Variants in GABRA3 observed in about 807,000 individuals in gnomAD.
GABRA3 encodes the protein gamma-aminobutyric acid receptor subunit alpha-3.
In GABRA3, 10 loss-of-function variants were observed where a neutral mutation model predicts 30.1. That is an observed-to-expected ratio of 0.33 (90% confidence interval 0.20 to 0.56). The LOEUF is 0.56. Among genes scored for constraint, GABRA3 ranks in the 20% least tolerant of loss-of-function variants. The pLI is 0.89. For synonymous variants in GABRA3, 151 were observed against 146.8 expected (o/e 1.03, Z -0.21); for missense variants, 233 against 392.0 (o/e 0.59, Z 3.42).
chrX:152,220,863 G>T (rs751686225), intron 6 of GABRA3, among the ~76,000 whole-genome samples: 1 of 110,554 alleles, frequency 9.0e-6, no homozygotes, highest in Admixed American at 9.7e-5. Context: ...GTGCATGTGC[G>T]TGTGTGTGCC....
chrX:152,293,463 G>C (rs892852959), intron 3 of GABRA3, among the ~76,000 whole-genome samples: 5 of 110,957 alleles, frequency 4.5e-5, no homozygotes, highest in African/African-American at 6.6e-5. Flanking sequence ...CTGCACGTGA[G>C]ATGGGTCTCC....
intron 1 of GABRA3, among the ~76,000 whole-genome samples, chrX:152,444,734 G>GTTTTTTTTTGTTTTT (rs1931023024): frequency 2.5e-5 from 1 of 40,386 alleles, no homozygotes; most frequent in Non-Finnish European, 4.7e-5. Flanking sequence ...ATACTTGTGT[G>GTTTTTTTTTGTTTTT]TTTTTTTTTT....
chrX:152,381,276 T>C (rs1929137750), intron 1 of GABRA3, among the ~76,000 whole-genome samples: 1 of 112,278 alleles, frequency 8.9e-6, no homozygotes, highest in Non-Finnish European at 1.9e-5. Context: ...ACACTGATTA[T>C]GCTTTTAATT....
At chrX:152,312,455 G>A (rs1009486124) in intron 3 of GABRA3, among the ~76,000 whole-genome samples, 3 of 111,557 alleles carry the variant, frequency 2.7e-5, no homozygotes, top group Admixed American at 9.5e-5. Flanking sequence ...GAAACTATAC[G>A]TTTTCTTTTC....
intron 9 of GABRA3, among the ~76,000 whole-genome samples, chrX:152,170,835 A>G (rs998365265): frequency 8.9e-6 from 1 of 112,153 alleles, no homozygotes; most frequent in Non-Finnish European, 1.9e-5. Context: ...GTTTACGTAA[A>G]TTGAACAGTC....
At chrX:152,354,126 G>A (rs180858545) in intron 2 of GABRA3, among the ~76,000 whole-genome samples, 54 of 111,494 alleles carry the variant, frequency 4.8e-4, no homozygotes, top group African/African-American at 1.7e-3. Flanking sequence ...AAATTGACAT[G>A]TGCCTCATTC....
At chrX:152,285,142 G>A (rs188182459) in intron 3 of GABRA3, among the ~76,000 whole-genome samples, 245 of 111,920 alleles carry the variant, frequency 2.2e-3, no homozygotes, top group African/African-American at 7.5e-3. Context: ...AGGGGCAATA[G>A]GAATGGTTCT....
rs200475731 is a variant in GABRA3, at chrX:152,168,169, G to A, written c.*59C>T. 12 of 993,616 alleles carry A rather than the reference G, an allele frequency of 1.2e-5. No homozygotes were observed. Among genetic ancestry groups the A allele is most frequent in the Non-Finnish European group, 1.6e-5 (11 of 708,122 alleles). The allele number at this position is 993,616 out of a possible 1,213,427, so 81.9% of individuals were successfully genotyped here. A position where few individuals can be genotyped will look rare whatever the true frequency, so the allele number is the denominator to read the frequency against. ...TACGCGAAGGGGAGCCCCGGGGTTT[G>A]GGTGCCTGGATGCTTCACGGGGTAT... On this transcript the variant is annotated 3_prime_UTR_variant, in exon 10 of 10. Coordinates refer to ENST00000370314, the MANE Select transcript of GABRA3 (RefSeq NM_000808.4).
At chrX:152,444,666 T>C (rs1247312640) in intron 1 of GABRA3, among the ~76,000 whole-genome samples, 2 of 108,910 alleles carry the variant, frequency 1.8e-5, no homozygotes, top group Non-Finnish European at 3.8e-5. Context: ...TTTTATGCTA[T>C]GGTCACTTAC....
At chrX:152,279,374 TC>T (rs1331591699) in intron 4 of GABRA3, among the ~76,000 whole-genome samples, 109 of 112,018 alleles carry the variant, frequency 9.7e-4, no homozygotes, top group African/African-American at 3.3e-3. Context: ...GGGAATCCTT[TC>T]CCCATTTCTT....
rs1937640890 is a variant in GABRA3 at position 152,212,331 on chromosome X, AT to A, written c.635-4188del. On this transcript the variant is annotated intron_variant, in intron 6 of 9. Coordinates refer to ENST00000370314, the MANE Select transcript of GABRA3 (RefSeq NM_000808.4). ...AAAAAAAAAAAAAAAAAAAAAAAAAATTCCAAATTGCCTACCCTAAGAACTA... is the reference window on the plus strand; with the variant it reads ...AAAAAAAAAAAAAAAAAAAAAAAAAATCCAAATTGCCTACCCTAAGAACTA... 8.6e-4 allele frequency among the ~76,000 whole-genome samples: 21 copies of A among 24,476 alleles called. 9 individuals are homozygous for A. The highest frequency in any genetic ancestry group is 1.3e-3 in the African/African-American group (9 of 6,970). The allele number at this position is 24,476 out of a possible 115,157, so 21.3% of individuals were successfully genotyped here.
At chrX:152,181,924 C>T (rs1937154960) in intron 9 of GABRA3, among the ~76,000 whole-genome samples, 1 of 110,915 alleles carries the variant, frequency 9.0e-6, no homozygotes, top group Non-Finnish European at 1.9e-5. Flanking sequence ...TGTTGAATTG[C>T]TCTGGATAGG....
chrX:152,271,446 C>A (rs1938936279), intron 4 of GABRA3, among the ~76,000 whole-genome samples: 1 of 112,182 alleles, frequency 8.9e-6, no homozygotes. Flanking sequence ...ATCTGTGGAA[C>A]TTTGAACTTG....
chrX:152,393,685 C>T (rs1201364579), intron 1 of GABRA3, among the ~76,000 whole-genome samples: 1 of 111,685 alleles, frequency 9.0e-6, no homozygotes, highest in African/African-American at 3.3e-5. Flanking sequence ...CATACTCAGG[C>T]AATCATGGTG....
chrX:152,250,268 C>T (rs778192302), intron 5 of GABRA3, among the ~76,000 whole-genome samples: 1 of 111,481 alleles, frequency 9.0e-6, no homozygotes, highest in Admixed American at 9.6e-5. Context: ...GCACAGGTCT[C>T]TTTAACTGTA....
At chrX:152,443,419 A>G (rs912681056) in intron 1 of GABRA3, among the ~76,000 whole-genome samples, 1 of 112,145 alleles carries the variant, frequency 8.9e-6, no homozygotes. Flanking sequence ...CATAGATATC[A>G]AGAGCCTTTA....
intron 4 of GABRA3, among the ~76,000 whole-genome samples, chrX:152,275,150 ATT>A (rs1939024856): frequency 1.2e-5 from 1 of 81,622 alleles, no homozygotes; most frequent in Non-Finnish European, 2.2e-5. Flanking sequence ...TAATATATAT[ATT>A]TAATATTATA....
chrX:152,333,741 A>G (rs1355869347), intron 3 of GABRA3, among the ~76,000 whole-genome samples: 1 of 111,941 alleles, frequency 8.9e-6, no homozygotes, highest in East Asian at 2.8e-4. Context: ...AGGCCAAAAC[A>G]TTATTCAGAG....
intron 1 of GABRA3, among the ~76,000 whole-genome samples, chrX:152,367,303 T>C (rs957061999): frequency 1.8e-5 from 2 of 111,839 alleles, no homozygotes; most frequent in African/African-American, 6.5e-5. Context: ...GCAGATTGGC[T>C]ATGAAACAGG....
Sources: gnomAD v4.1 joint callset for allele counts (sites outside exome capture counted in the v4.1 genomes callset) on GRCh38, gnomAD v4.1.1 for gene constraint, MANE v1.5 for transcripts, NCBI Gene and HGNC (gene_info 2026-07-23, HGNC 2026-07-21) for gene names.